BICC1: variants seen among roughly 807,000 people sequenced by gnomAD.
The protein encoded by BICC1 is BicC family RNA binding protein 1, also known as protein bicaudal C homolog 1.
Under a neutral mutation model 111.0 loss-of-function variants are expected in BICC1, and 43 were observed. That is an observed-to-expected ratio of 0.39 (90% confidence interval 0.30 to 0.50). The LOEUF (loss-of-function observed/expected upper bound fraction) is 0.50, where lower values mean the gene tolerates loss of function less well. Ranked by LOEUF, BICC1 falls within the 20% of genes least tolerant of loss-of-function variation. BICC1 has a pLI of 0.88. For synonymous variants in BICC1, 467 were observed against 434.4 expected (o/e 1.07, Z -0.93); for missense variants, 1,091 against 1,203.2 (o/e 0.91, Z 1.38).
intron 2 of BICC1, among the ~76,000 whole-genome samples, chr10:58,667,622 TAAAGGC>T (rs1839057998): frequency 1.3e-5 from 2 of 152,060 alleles, no homozygotes; most frequent in African/African-American, 4.8e-5. Context: ...TGAAATTGGA[TAAAGGC>T]AAAGGCAATA....
At chr10:58,616,370 G>A (rs1845606724) in intron 1 of BICC1, among the ~76,000 whole-genome samples, 1 of 152,248 alleles carries the variant, frequency 6.6e-6, no homozygotes, top group Non-Finnish European at 1.5e-5. Flanking sequence ...ACAGCCAAAT[G>A]AAGTACTCTT....
At chr10:58,639,083 T>C (rs1450194883) in intron 2 of BICC1, among the ~76,000 whole-genome samples, 1 of 152,176 alleles carries the variant, frequency 6.6e-6, no homozygotes, top group Non-Finnish European at 1.5e-5. Context: ...TTTTTTGTGG[T>C]AAGAACACCT....
At chr10:58,732,334 A>G (rs551746343) in intron 3 of BICC1, among the ~76,000 whole-genome samples, 10 of 143,028 alleles carry the variant, frequency 7.0e-5, no homozygotes, top group African/African-American at 2.7e-4. Flanking sequence ...AGAGAGAGAA[A>G]GAAGAGGAAG....
At chr10:58,554,575 A>G (rs929978645) in intron 1 of BICC1, among the ~76,000 whole-genome samples, 11 of 152,096 alleles carry the variant, frequency 7.2e-5, no homozygotes, top group Non-Finnish European at 1.6e-4. Context: ...AGTCAGGAGC[A>G]GTGGTTTTGG....
In BICC1 at chr10:58,621,956, G is replaced by GAACAACAGAACAGAACAACGGAACAGAAC. The variant is rs1322190352; in HGVS notation, c.237+1057_237+1058insCAACAGAACAGAACAACGGAACAGAACAA. Among the ~76,000 whole-genome samples the GAACAACAGAACAGAACAACGGAACAGAAC allele has an allele frequency of 3.9e-5, 2 of 51,158 alleles. 1 individual carries two copies. Among genetic ancestry groups the GAACAACAGAACAGAACAACGGAACAGAAC allele is most frequent in the African/African-American group, 1.8e-4 (2 of 11,222 alleles). The allele number at this position is 51,158 out of a possible 152,430, so 33.6% of individuals were successfully genotyped here. A position where few individuals can be genotyped will look rare whatever the true frequency, so the allele number is the denominator to read the frequency against. On this transcript the variant is annotated intron_variant, in intron 2 of 20. Transcript: ENST00000373886. ...GAATAGAATAGAATAGAATAGAATA[G>GAACAACAGAACAGAACAACGGAACAGAAC]AATAGAATAGAATAATCCAGCCTGG...
At chr10:58,708,163 T>C (rs921794594) in intron 3 of BICC1, among the ~76,000 whole-genome samples, 1 of 140,880 alleles carries the variant, frequency 7.1e-6, no homozygotes, top group Admixed American at 7.1e-5. Context: ...TTTTTTTTTT[T>C]GTATTTTTAG....
At chr10:58,723,437 T>C (rs930837306) in intron 3 of BICC1, among the ~76,000 whole-genome samples, 1 of 152,212 alleles carries the variant, frequency 6.6e-6, no homozygotes, top group African/African-American at 2.4e-5. Context: ...CAGCTGAGGC[T>C]GCATGGTATG....
chr10:58,515,627 G>T (rs1202301802), intron 1 of BICC1, among the ~76,000 whole-genome samples: 1 of 152,168 alleles, frequency 6.6e-6, no homozygotes, highest in African/African-American at 2.4e-5. Flanking sequence ...GTGGTTAGTT[G>T]TTGACCAAAA....
chr10:58,671,759 G>A (rs1310460169), intron 2 of BICC1, among the ~76,000 whole-genome samples: 1 of 151,936 alleles, frequency 6.6e-6, no homozygotes, highest in Non-Finnish European at 1.5e-5. Context: ...TTCCCAAATT[G>A]CCTTGTTTTT....
intron 3 of BICC1, among the ~76,000 whole-genome samples, chr10:58,749,619 A>G (rs1206530683): frequency 1.3e-5 from 2 of 152,150 alleles, no homozygotes; most frequent in Non-Finnish European, 2.9e-5. Flanking sequence ...TGTTATTAAA[A>G]TAGGTTTAAA....
intron 1 of BICC1, among the ~76,000 whole-genome samples, chr10:58,516,758 A>G: frequency 6.6e-6 from 1 of 152,290 alleles, no homozygotes; most frequent in East Asian, 1.9e-4. Flanking sequence ...GCATCATGTG[A>G]AATAATAGTA....
At chr10:58,636,581 TCTC>T (rs200677624) in intron 2 of BICC1, among the ~76,000 whole-genome samples, 82 of 149,252 alleles carry the variant, frequency 5.5e-4, no homozygotes, top group African/African-American at 2.0e-3. Context: ...CACATCATTG[TCTC>T]CTCCTCCTCC....
At chr10:58,655,036 A>G (rs1281217908) in intron 2 of BICC1, among the ~76,000 whole-genome samples, 2 of 141,270 alleles carry the variant, frequency 1.4e-5, no homozygotes, top group Admixed American at 7.2e-5. Context: ...TGTTCCATTG[A>G]TCTATATCTC....
At chr10:58,803,408 TA>T (rs1843614721) in intron 15 of BICC1, among the ~76,000 whole-genome samples, 166 bp downstream of exon 15, 2 of 152,210 alleles carry the variant, frequency 1.3e-5, no homozygotes, top group Admixed American at 1.3e-4. Context: ...CTATAAACAT[TA>T]AAAATGAAAA....
chr10:58,825,566 T>A (rs111939686), intron 20 of BICC1, among the ~76,000 whole-genome samples: 1,590 of 152,302 alleles, frequency 0.01, 34 homozygotes, highest in African/African-American at 0.036. Context: ...GAGAGAAATG[T>A]AAACAGACAA....
chr10:58,788,490 A>G, intron 6 of BICC1, 67 bp downstream of exon 6: 1 of 1,102,540 alleles, frequency 9.1e-7, no homozygotes, highest in Admixed American at 1.9e-5. Flanking sequence ...GGCACTAAAA[A>G]TATAATAATT....
Position 58,620,862 on chromosome 10 carries a change from T to C in BICC1, c.198T>C (p.Ala66=). Residue 66 remains alanine, a synonymous_variant, in exon 2 of 21, where the codon GCT becomes GCC. Coordinates refer to ENST00000373886, the MANE Select transcript of BICC1 (RefSeq NM_001080512.3). ...GCACATTTTTATTTACAGCTGCTGC[T>C]GAAGGGAAAGGCAGAAGTGGGGAAG... ...KKLEAMLQAA[A]EGKGRSGEDF... The C allele has an allele frequency of 6.2e-7, 1 of 1,613,440 alleles. No homozygotes were observed.
intron 3 of BICC1, among the ~76,000 whole-genome samples, chr10:58,766,979 G>T (rs965260937): frequency 6.6e-6 from 1 of 151,900 alleles, no homozygotes; most frequent in Non-Finnish European, 1.5e-5. Flanking sequence ...ACAGCAGATA[G>T]GTCTTAGAAT....
Position 58,800,961 on chromosome 10 carries a change from A to G in BICC1, c.1930A>G (p.Lys644Glu). 1 of 1,611,746 alleles carries G rather than the reference A, an allele frequency of 6.2e-7. No individual in the cohort carries two copies. Among genetic ancestry groups the G allele is most frequent in the Non-Finnish European group, 8.5e-7 (1 of 1,178,878 alleles). The stretch of plus-strand genomic sequence containing the variant: ...CCATTCTGGGAATGCTGGTGACTTG[A>G]AACAGATGATGTGTCCCTCCAAGGT... ...PSHSGNAGDL[K>E]QMMCPSKVSC... is the part of the protein sequence containing the mutation. Residue 644 changes from lysine to glutamate, a missense_variant, in exon 14 of 21, where the codon AAA becomes GAA. Physicochemically the swap from Lys to Glu is moderately conservative, Grantham distance 56. Transcript: ENST00000373886.
Sources: gnomAD v4.1 joint callset for allele counts (sites outside exome capture counted in the v4.1 genomes callset) on GRCh38, gnomAD v4.1.1 for gene constraint, MANE v1.5 for transcripts, NCBI Gene and HGNC (gene_info 2026-07-23, HGNC 2026-07-21) for gene names.